The following ATP2B3 variants were observed in gnomAD, a reference collection of about 807,000 sequenced individuals.
ATP2B3 encodes the protein ATPase plasma membrane Ca2+ transporting 3.
Under a neutral mutation model 70.8 loss-of-function variants are expected in ATP2B3, and 12 were observed. That is an observed-to-expected ratio of 0.17 (90% CI 0.11 to 0.27). The LOEUF (loss-of-function observed/expected upper bound fraction) is 0.27, where lower values mean the gene tolerates loss of function less well. Among genes scored for constraint, ATP2B3 ranks in the 10% least tolerant of loss-of-function variants. The pLI is 1.00. For synonymous variants in ATP2B3, 460 were observed against 497.8 expected (o/e 0.92, Z 1.01); for missense variants, 858 against 1,118.5 (o/e 0.77, Z 3.32).
intron 2 of ATP2B3, among the ~76,000 whole-genome samples, chrX:153,521,555 T>G (rs1556997831): frequency 8.9e-6 from 1 of 111,996 alleles, no homozygotes; most frequent in Admixed American, 9.4e-5. Context: ...GAGTCTTGGT[T>G]CCAAATCAAA....
intron 21 of ATP2B3, among the ~76,000 whole-genome samples, chrX:153,579,411 GCC>G (rs1254062702): frequency 8.9e-6 from 1 of 112,851 alleles, no homozygotes; most frequent in African/African-American, 3.2e-5. Context: ...TGCGAGAAAG[GCC>G]GGCAGTGCCC....
At chrX:153,533,405 G>T (rs1289672415) in intron 2 of ATP2B3, among the ~76,000 whole-genome samples, 2 of 111,765 alleles carry the variant, frequency 1.8e-5, no homozygotes, top group Admixed American at 9.5e-5. Context: ...CAGAGGGCGT[G>T]CGGTCGGGGC....
chrX:153,549,115 G>A (rs1557010134), intron 10 of ATP2B3, among the ~76,000 whole-genome samples: 1 of 106,155 alleles, frequency 9.4e-6, no homozygotes, highest in Non-Finnish European at 1.9e-5. Context: ...AGGACGGAGG[G>A]GCTGGGAGGC....
chrX:153,576,538 GA>G (rs782325612), intron 21 of ATP2B3, among the ~76,000 whole-genome samples: 1 of 111,996 alleles, frequency 8.9e-6, no homozygotes, highest in East Asian at 2.8e-4. Context: ...TTAGGCATCC[GA>G]GGGGGAACAC....
chrX:153,538,474 G>C (rs1310602215), intron 3 of ATP2B3, among the ~76,000 whole-genome samples: 1 of 113,207 alleles, frequency 8.8e-6, no homozygotes, highest in Non-Finnish European at 1.9e-5. Flanking sequence ...AAACCGCGCT[G>C]CTGTTGTCAG....
At chrX:153,546,011 TC>T in intron 7 of ATP2B3, 76 bp from the exon 8 acceptor site, 1 of 1,132,850 alleles carries the variant, frequency 8.8e-7, no homozygotes, top group Non-Finnish European at 1.2e-6. Context: ...AGGCCCCTCC[TC>T]CCCACCCCCT....
rs180904905 is a variant in ATP2B3, at chrX:153,576,501, C to T, written c.3343-3477C>T. ...CTGGAGCACTGATAAGAGTCCTCCT[C>T]GGGCCTCCTGCAATTTGAGAGGTCC... On this transcript the variant is annotated intron_variant, in intron 21 of 21. Coordinates refer to ENST00000263519, the MANE Select transcript of ATP2B3 (RefSeq NM_001001344.3). Among the ~76,000 whole-genome samples the T allele has an allele frequency of 1.7e-4, 19 of 111,767 alleles. No individual in the cohort carries two copies. In the East Asian group the frequency reaches 5.4e-3, roughly 32 times the overall value.
chrX:153,575,697 T>G (rs2090847908), intron 21 of ATP2B3, among the ~76,000 whole-genome samples: 1 of 111,667 alleles, frequency 9.0e-6, no homozygotes, highest in African/African-American at 3.3e-5. Context: ...GATGCCCAAG[T>G]CTGGAGCCGG....
chrX:153,572,557 G>A (rs183751640), intron 21 of ATP2B3, among the ~76,000 whole-genome samples: 179 of 111,724 alleles, frequency 1.6e-3, no homozygotes, highest in South Asian at 3.4e-3. Flanking sequence ...TCACACACTC[G>A]AGCCCTCCCC....
At chrX:153,544,628 C>T (rs1050618871) in intron 7 of ATP2B3, among the ~76,000 whole-genome samples, 9 of 111,580 alleles carry the variant, frequency 8.1e-5, no homozygotes, top group Non-Finnish European at 1.5e-4. Flanking sequence ...GCTCGCCCTC[C>T]CCGTCTCTCC....
At chrX:153,560,908 C>G in intron 19 of ATP2B3, 21 bp downstream of exon 19, 1 of 1,209,120 alleles carries the variant, frequency 8.3e-7, no homozygotes, top group Non-Finnish European at 1.1e-6. Flanking sequence ...CGGCTCCACT[C>G]TTGGCCTCTG....
At chrX:153,570,087 G>A (rs1355698840) in intron 21 of ATP2B3, 4 of 342,216 alleles carry the variant, frequency 1.2e-5, no homozygotes, top group South Asian at 1.3e-4. Flanking sequence ...AACTTGGGCC[G>A]CTTCTGGGGG....
chrX:153,569,343 C>G, intron 21 of ATP2B3: 1 of 547,451 alleles, frequency 1.8e-6, no homozygotes, highest in Admixed American at 2.3e-5. Flanking sequence ...TGTGCCCTGA[C>G]TTGTGACCCC....
Position 153,556,074 on chromosome X carries a change from A to T in ATP2B3, c.2084A>T (p.Gln695Leu), listed in dbSNP as rs1557013316. ...PEVPEAIRKC[Q>L]RAGITVRMVT... is the part of the protein sequence containing the mutation. ...GTCCCTGAAGCTATCCGAAAATGCC[A>T]GCGTGCTGGCATCACAGTCCGCATG... Residue 695 changes from glutamine to leucine, a missense_variant, in exon 14 of 22, where the codon CAG (glutamine) becomes CTG (leucine). By Grantham distance (113) the Gln-to-Leu change is moderately radical. Transcript: ENST00000263519. 1 of 1,212,282 alleles carries T rather than the reference A, an allele frequency of 8.2e-7. No homozygotes were observed. The highest frequency in any genetic ancestry group is 1.7e-5 in the African/African-American group (1 of 57,949).
chrX:153,525,965 T>G (rs1450860136), intron 2 of ATP2B3, among the ~76,000 whole-genome samples: 1 of 113,037 alleles, frequency 8.8e-6, no homozygotes, highest in African/African-American at 3.2e-5. Context: ...CGTGGCTGTG[T>G]CTGTAGGTGG....
intron 16 of ATP2B3, 28 bp from the exon 17 acceptor site, chrX:153,558,084 T>C: frequency 8.5e-7 from 1 of 1,183,359 alleles, no homozygotes; most frequent in Non-Finnish European, 1.1e-6. Flanking sequence ...ACAAACACTC[T>C]GTGTGAGTGT....
intron 1 of ATP2B3, among the ~76,000 whole-genome samples, 116 bp from the exon 2 acceptor site, chrX:153,518,316 C>T (rs2089907105): frequency 8.9e-6 from 1 of 111,955 alleles, no homozygotes; most frequent in African/African-American, 3.2e-5. Context: ...CTCTCGCCTT[C>T]CCGCACCGTT....
chrX:153,572,878 C>T (rs1557020304), intron 21 of ATP2B3, among the ~76,000 whole-genome samples: 4 of 112,420 alleles, frequency 3.6e-5, no homozygotes, highest in South Asian at 3.7e-4. Flanking sequence ...GGGGGCTGCG[C>T]GTCTGCCACT....
At position 153,580,004 on chromosome X, in the gene ATP2B3, C is replaced by G; in HGVS notation, c.3369C>G (p.Ser1123Arg). Residue 1123 changes from serine (S) to arginine (R), a missense_variant, in exon 22 of 22, where the codon AGC becomes AGG. Transcript: ENST00000263519. ...TCCGGGTGGTGAAAGCGTTCCGTAGCTCGCTCTATGAAGGCCTGGAGAAAC... is the reference window on the plus strand; with the variant it reads ...TCCGGGTGGTGAAAGCGTTCCGTAGGTCGCTCTATGAAGGCCTGGAGAAAC... ...TQIRVVKAFR[S>R]SLYEGLEKPE... 1 of 1,208,642 alleles carries G rather than the reference C, an allele frequency of 8.3e-7. No homozygotes were observed.
Sources: gnomAD v4.1 joint callset for allele counts (sites outside exome capture counted in the v4.1 genomes callset) on GRCh38, gnomAD v4.1.1 for gene constraint, MANE v1.5 for transcripts, NCBI Gene and HGNC (gene_info 2026-07-23, HGNC 2026-07-21) for gene names.